Variants in UBASH3B observed in about 807,000 individuals in gnomAD.
UBASH3B encodes ubiquitin associated and SH3 domain containing B.
UBASH3B carries 37 observed loss-of-function variants against 83.4 expected under a neutral mutation model. That is an observed-to-expected ratio of 0.44 (90% CI 0.34 to 0.58). UBASH3B has a LOEUF of 0.58. Ranked by LOEUF, UBASH3B falls within the 20% of genes least tolerant of loss-of-function variation. The pLI is 0.01. For missense variants in UBASH3B, 657 were observed against 827.2 expected (o/e 0.79, Z 2.52); for synonymous variants, 304 against 318.3 (o/e 0.96, Z 0.48).
At chr11:122,753,714 C>A (rs1861238580) in intron 1 of UBASH3B, among the ~76,000 whole-genome samples, 1 of 151,804 alleles carries the variant, frequency 6.6e-6, no homozygotes, top group South Asian at 2.1e-4. Flanking sequence ...AGGCTGGTCT[C>A]GAACTCCTGA....
chr11:122,674,891 G>A (rs936579571), intron 1 of UBASH3B, among the ~76,000 whole-genome samples: 1 of 151,542 alleles, frequency 6.6e-6, no homozygotes, highest in East Asian at 1.9e-4. Context: ...ATCATACCCG[G>A]CTAATTTTCG....
chr11:122,718,808 G>A (rs967345993), intron 1 of UBASH3B, among the ~76,000 whole-genome samples: 5 of 152,052 alleles, frequency 3.3e-5, no homozygotes, highest in African/African-American at 9.7e-5. Flanking sequence ...ATTCCTCCAC[G>A]TGACTTGGGC....
intron 5 of UBASH3B, among the ~76,000 whole-genome samples, chr11:122,788,152 T>C (rs1477325046): frequency 6.6e-6 from 1 of 152,204 alleles, no homozygotes. Context: ...GTTTTCTCCA[T>C]CTGATGAAAG....
chr11:122,693,690 T>A (rs1372287709), intron 1 of UBASH3B, among the ~76,000 whole-genome samples: 2 of 151,800 alleles, frequency 1.3e-5, no homozygotes, highest in East Asian at 3.9e-4. Context: ...CTGCCCAACA[T>A]GGTGAAACCC....
In UBASH3B at chr11:122,746,853, A is replaced by G. The variant is rs552159831; in HGVS notation, c.162-29366A>G. Among the ~76,000 whole-genome samples, 23 of 152,328 alleles carry G rather than the reference A, an allele frequency of 1.5e-4. No individual in the cohort carries two copies. The South Asian group carries it at 4.6e-3, about 30-fold the overall frequency. On this transcript the variant is annotated intron_variant, in intron 1 of 13. Transcript: ENST00000284273. ...GTCCACTGGGAGTGATGGATAGGTA[A>G]AGTGTGGGAGGGGCCGTGAGGGGGG...
At chr11:122,771,748 A>AACACACACAC (rs58950220) in intron 1 of UBASH3B, among the ~76,000 whole-genome samples, 154 of 147,240 alleles carry the variant, frequency 1.0e-3, no homozygotes, top group Middle Eastern at 3.5e-3. Context: ...GCTGTGTTAA[A>AACACACACAC]ACACACACAC....
intron 1 of UBASH3B, among the ~76,000 whole-genome samples, chr11:122,767,533 G>C (rs182516643): frequency 1.7e-4 from 26 of 151,638 alleles, no homozygotes; most frequent in African/African-American, 6.3e-4. Context: ...GGATGGTCTC[G>C]ATCTCTTGAC....
At chr11:122,795,190 A>T (rs1346686160) in intron 7 of UBASH3B, among the ~76,000 whole-genome samples, 3 of 152,208 alleles carry the variant, frequency 2.0e-5, no homozygotes, top group East Asian at 3.9e-4. Context: ...CATAACTGGC[A>T]TATAATGAGT....
chr11:122,720,003 A>G (rs1325219250), intron 1 of UBASH3B, among the ~76,000 whole-genome samples: 2 of 152,014 alleles, frequency 1.3e-5, no homozygotes, highest in African/African-American at 2.4e-5. Flanking sequence ...ACCTGTAAAT[A>G]TTGGAGAGCC....
intron 1 of UBASH3B, among the ~76,000 whole-genome samples, chr11:122,766,142 A>C (rs1231942838): frequency 3.3e-5 from 5 of 152,208 alleles, no homozygotes; most frequent in Non-Finnish European, 5.9e-5. Context: ...AAGCATCTCC[A>C]AGTGAAATGG....
At chr11:122,741,889 A>T (rs1217439777) in intron 1 of UBASH3B, among the ~76,000 whole-genome samples, 1 of 151,758 alleles carries the variant, frequency 6.6e-6, no homozygotes, top group Non-Finnish European at 1.5e-5. Context: ...TAAGTATTTC[A>T]CTCAACCCCA....
Position 122,806,647 on chromosome 11 carries a change from T to C in UBASH3B, c.1702+131T>C. The C allele has an allele frequency of 7.9e-7, 1 of 1,265,206 alleles. No individual in the cohort carries two copies. The highest frequency in any genetic ancestry group is 3.2e-5 in the East Asian group (1 of 31,718). 78.4% of individuals were successfully genotyped at this position (1,265,206 alleles called of 1,614,324 possible). On this transcript the variant is annotated intron_variant, in intron 12 of 13. Coordinates refer to ENST00000284273, the MANE Select transcript of UBASH3B (RefSeq NM_032873.5). This position sits in a 1 kb window ranked among gnomAD's most constrained non-coding sequence, Gnocchi z 4.0. The stretch of plus-strand genomic sequence containing the variant: ...ATGTATTTCCAGATTTTCTTCCAGA[T>C]ACTTTTACATTAAATTTGTAATATT...
At chr11:122,779,042 G>T (rs538960331) in intron 3 of UBASH3B, among the ~76,000 whole-genome samples, 1 of 152,184 alleles carries the variant, frequency 6.6e-6, no homozygotes, top group African/African-American at 2.4e-5. Flanking sequence ...GGCATTTGTG[G>T]TGAGAACACT....
chr11:122,762,011 C>T (rs976191206), intron 1 of UBASH3B, among the ~76,000 whole-genome samples: 19 of 151,882 alleles, frequency 1.3e-4, no homozygotes, highest in Non-Finnish European at 2.4e-4. Flanking sequence ...AGGCTGGTCT[C>T]GAACTCCTGA....
intron 1 of UBASH3B, among the ~76,000 whole-genome samples, chr11:122,775,052 A>G (rs7946466): frequency 0.082 from 12,520 of 152,284 alleles, 907 homozygotes; most frequent in African/African-American, 0.2. Context: ...ATTAATATTT[A>G]CATGCCTACT....
intron 1 of UBASH3B, among the ~76,000 whole-genome samples, chr11:122,766,026 A>C (rs1430907405): frequency 6.6e-6 from 1 of 152,118 alleles, no homozygotes; most frequent in Non-Finnish European, 1.5e-5. Context: ...ATGGCCTTTC[A>C]CTAGGCTGTG....
chr11:122,794,853 G>A lies in UBASH3B; in HGVS notation c.1113+19G>A, dbSNP rs745710363. On this transcript the variant is annotated intron_variant, in intron 7 of 13. Coordinates refer to ENST00000284273, the MANE Select transcript of UBASH3B (RefSeq NM_032873.5). ...CATGCAGGTAAGGCTGATTGCTAGG[G>A]TCACACCCCCAACTCTAACCAGGAT... 3 of 1,612,722 alleles carry A rather than the reference G, an allele frequency of 1.9e-6. No individual in the cohort carries two copies. Among genetic ancestry groups the A allele is most frequent in the South Asian group, 2.2e-5 (2 of 90,996 alleles).
intron 1 of UBASH3B, among the ~76,000 whole-genome samples, chr11:122,724,999 C>A (rs1490623831): frequency 6.6e-6 from 1 of 151,528 alleles, no homozygotes; most frequent in South Asian, 2.1e-4. Flanking sequence ...TTCCCCCAGG[C>A]TGGAGTGCAG....
At chr11:122,698,881 G>T (rs1386635108) in intron 1 of UBASH3B, among the ~76,000 whole-genome samples, 14 of 152,278 alleles carry the variant, frequency 9.2e-5, no homozygotes, top group Non-Finnish European at 5.9e-5. Context: ...ATGGAGTTTT[G>T]CTCTTGTAGC....
Sources: allele counts gnomAD v4.1 joint callset (sites outside exome capture counted in the v4.1 genomes callset), GRCh38; gene constraint gnomAD v4.1.1; non-coding constraint Gnocchi (gnomAD v3.1); transcripts MANE v1.5; gene names NCBI Gene and HGNC (gene_info 2026-07-23, HGNC 2026-07-21).